SBNO1: variants seen among roughly 807,000 people sequenced by gnomAD.
The protein encoded by SBNO1 is strawberry notch homolog 1.
Under a neutral mutation model 173.6 loss-of-function variants are expected in SBNO1, and 23 were observed. That is an observed-to-expected ratio of 0.13 (90% CI 0.10 to 0.19). The LOEUF is 0.19. SBNO1 is among the 10% of genes least tolerant of loss of function. The pLI is 1.00. For synonymous variants in SBNO1, 632 were observed against 571.5 expected, an observed-to-expected ratio of 1.11 and a Z score of -1.51; for missense variants, 1,238 against 1,671.2, an observed-to-expected ratio of 0.74 and a Z score of 4.52.
chr12:123,359,573 T>C (rs1393716950), intron 1 of SBNO1, among the ~76,000 whole-genome samples: 1 of 149,040 alleles, frequency 6.7e-6, no homozygotes, highest in Non-Finnish European at 1.5e-5. Flanking sequence ...AAAAAAGATA[T>C]ATATATAGTT....
chr12:123,348,752 C>T (rs972105980), intron 2 of SBNO1, among the ~76,000 whole-genome samples: 6 of 151,308 alleles, frequency 4.0e-5, no homozygotes, highest in Non-Finnish European at 7.4e-5. Flanking sequence ...GGTGACAGAG[C>T]GAGACTCGGT....
chr12:123,326,388 A>T (rs1175933468), intron 13 of SBNO1, 54 bp from the exon 14 acceptor site: 3 of 1,172,256 alleles, frequency 2.6e-6, no homozygotes, highest in East Asian at 5.0e-5. Context: ...CTAGTTATTT[A>T]AAAATACCAA....
In SBNO1 at chr12:123,289,239, A is replaced by C. The variant is rs1044674917; in HGVS notation, c.*6669T>G. ...TGATCGTTTTTACTTGCAAGAGTAA[A>C]TAAACCTTGCTAAAATGCAGCCAGT... On this transcript the variant is annotated 3_prime_UTR_variant, in exon 32 of 32. Coordinates refer to ENST00000602398, the MANE Select transcript of SBNO1 (RefSeq NM_001167856.3). The C allele has an allele frequency of 1.3e-5, 2 of 152,270 alleles. No individual in the cohort carries two copies. Among genetic ancestry groups the C allele is most frequent in the South Asian group, 4.1e-4 (2 of 4,830 alleles). The allele number at this position is 152,270 out of a possible 1,614,324, so 9.4% of individuals were successfully genotyped here.
intron 17 of SBNO1, 122 bp downstream of exon 17, chr12:123,321,413 C>T: frequency 1.3e-6 from 1 of 754,430 alleles, no homozygotes; most frequent in Non-Finnish European, 2.1e-6. Context: ...GAGCTTTCCA[C>T]CAAGCAAAGA....
intron 6 of SBNO1, among the ~76,000 whole-genome samples, chr12:123,334,904 T>G (rs2139017705): frequency 6.6e-6 from 1 of 152,318 alleles, no homozygotes; most frequent in South Asian, 2.1e-4. Flanking sequence ...AATTTTATTT[T>G]GAGGCTAGGC....
Position 123,295,588 on chromosome 12 carries a change from C to G in SBNO1, c.*320G>C. On this transcript the variant is annotated 3_prime_UTR_variant, in exon 32 of 32. Transcript: ENST00000602398. ...TTGGGAAGTTCCAAGCATTTTAAAC[C>G]AACTGTGGTCTGTAGCCTTTAACAC... The G allele has an allele frequency of 8.4e-6, 2 of 239,246 alleles. No individual in the cohort carries two copies. The highest frequency in any genetic ancestry group is 1.6e-4 in the East Asian group (2 of 12,256). 14.8% of individuals were successfully genotyped at this position (239,246 alleles called of 1,614,324 possible).
intron 21 of SBNO1, 71 bp from the exon 22 acceptor site, chr12:123,315,731 C>T: frequency 1.2e-6 from 1 of 852,302 alleles, no homozygotes; most frequent in Non-Finnish European, 2.0e-6. Flanking sequence ...AGATGTATTC[C>T]TAGCATTTAA....
At chr12:123,296,166 C>T (rs968828957) in intron 31 of SBNO1, 116 bp from the exon 32 acceptor site, 2 of 565,690 alleles carry the variant, frequency 3.5e-6, no homozygotes, top group Non-Finnish European at 3.2e-6. Context: ...GAAGTTCACA[C>T]AAAAATTAAA....
At chr12:123,312,598 G>A (rs192504844) in intron 24 of SBNO1, among the ~76,000 whole-genome samples, 1 of 151,962 alleles carries the variant, frequency 6.6e-6, no homozygotes, top group Admixed American at 6.6e-5. Context: ...TGTAATCCCA[G>A]CTACTCGGGA....
At chr12:123,302,019 C>A (rs1001761258) in intron 30 of SBNO1, among the ~76,000 whole-genome samples, 10 of 152,016 alleles carry the variant, frequency 6.6e-5, no homozygotes, top group Non-Finnish European at 1.5e-4. Flanking sequence ...CGGCTCACCA[C>A]AACCTCCGCC....
At chr12:123,315,983 T>C (rs1869206409) in intron 21 of SBNO1, among the ~76,000 whole-genome samples, 2 of 152,162 alleles carry the variant, frequency 1.3e-5, no homozygotes, top group Admixed American at 1.3e-4. Context: ...CTACTGAGGT[T>C]GGAAACACAT....
intron 1 of SBNO1, among the ~76,000 whole-genome samples, chr12:123,352,373 G>A (rs773630632): frequency 7.9e-5 from 12 of 152,142 alleles, no homozygotes; most frequent in African/African-American, 1.9e-4. Context: ...GTACAATGGC[G>A]CGGTCTCGGC....
At chr12:123,317,393 A>T (rs57416942) in intron 20 of SBNO1, 37 bp from the exon 21 acceptor site, 1 of 1,607,570 alleles carries the variant, frequency 6.2e-7, no homozygotes, top group Non-Finnish European at 8.5e-7. Flanking sequence ...TCACTTTTGC[A>T]TAAGAACAAG....
intron 10 of SBNO1, among the ~76,000 whole-genome samples, 198 bp from the exon 11 acceptor site, chr12:123,328,225 G>C (rs1461354289): frequency 6.6e-6 from 1 of 152,296 alleles, no homozygotes; most frequent in Non-Finnish European, 1.5e-5. Context: ...ACTGAATTTG[G>C]AATTTAAACC....
chr12:123,297,261 C>T (rs1317409754), intron 31 of SBNO1, among the ~76,000 whole-genome samples: 6 of 125,776 alleles, frequency 4.8e-5, no homozygotes, highest in African/African-American at 1.8e-4. Flanking sequence ...ACTCGGGAGG[C>T]GGAGGTTGCA....
chr12:123,328,904 GA>G lies in SBNO1; in HGVS notation c.1135-10del. The G allele has an allele frequency of 6.9e-7, 1 of 1,456,326 alleles. No homozygotes were observed. The highest frequency in any genetic ancestry group is 1.3e-5 in the South Asian group (1 of 78,412). The allele number at this position is 1,456,326 out of a possible 1,614,324, so 90.2% of individuals were successfully genotyped here. On this transcript the variant is annotated splice_polypyrimidine_tract_variant and intron_variant, in intron 9 of 31. Coordinates refer to ENST00000602398, the MANE Select transcript of SBNO1 (RefSeq NM_001167856.3). Reference sequence around the variant, plus strand: ...ATTTTTCCGTATTTAAACTAAAAAAGAAAAGAAAAGAATTTAGTTAATTAGT... The same window carrying G: ...ATTTTTCCGTATTTAAACTAAAAAAGAAAGAAAAGAATTTAGTTAATTAGT...
intron 25 of SBNO1, among the ~76,000 whole-genome samples, chr12:123,310,231 C>T (rs2049017928): frequency 6.6e-6 from 1 of 152,124 alleles, no homozygotes; most frequent in South Asian, 2.1e-4. Context: ...AGTAATTTTT[C>T]GTTTTGTTTT....
At chr12:123,346,642 C>G (rs1338754192) in intron 3 of SBNO1, among the ~76,000 whole-genome samples, 1 of 151,804 alleles carries the variant, frequency 6.6e-6, no homozygotes, top group Admixed American at 6.6e-5. Flanking sequence ...CCAACCTGGG[C>G]GACAGAGCGA....
intron 30 of SBNO1, among the ~76,000 whole-genome samples, chr12:123,301,278 A>G (rs900643172): frequency 6.6e-6 from 1 of 152,160 alleles, no homozygotes; most frequent in African/African-American, 2.4e-5. Flanking sequence ...TGCTGGTACT[A>G]CCAGCAAGCC....
Sources: gnomAD v4.1 joint callset for allele counts (sites outside exome capture counted in the v4.1 genomes callset) on GRCh38, gnomAD v4.1.1 for gene constraint, MANE v1.5 for transcripts, NCBI Gene and HGNC (gene_info 2026-07-23, HGNC 2026-07-21) for gene names.